EPM2A: variants seen among roughly 807,000 people sequenced by gnomAD.
The protein encoded by EPM2A is laforin.
EPM2A carries 21 observed loss-of-function variants against 26.5 expected under a neutral mutation model. The observed-to-expected ratio is 0.79, with a 90% confidence interval of 0.56 to 1.14. EPM2A has a LOEUF of 1.14. Among genes scored for constraint, EPM2A ranks in the 50% most tolerant of loss-of-function variants. The pLI, the probability that EPM2A is intolerant of heterozygous loss-of-function variation, is 0.00. For synonymous variants in EPM2A, 217 were observed against 177.6 expected (o/e 1.22, Z -1.76); for missense variants, 458 against 440.8 (o/e 1.04, Z -0.35).
chr6:145,396,853 A>G (rs981309631), intron 4 of EPM2A, among the ~76,000 whole-genome samples: 1 of 152,190 alleles, frequency 6.6e-6, no homozygotes, highest in African/African-American at 2.4e-5. Context: ...ATACTACTTG[A>G]GAAAACCATT....
chr6:145,501,644 G>A (rs1779891087), exon 4 of EPM2A: 1 of 384,842 alleles, frequency 2.6e-6, no homozygotes, highest in African/African-American at 2.1e-5. Context: ...ATTACATATT[G>A]GGCAGAAGTG....
chr6:145,732,201 TTGTGTGTGTG>T (rs66889564), intron 1 of EPM2A, among the ~76,000 whole-genome samples: 6 of 138,458 alleles, frequency 4.3e-5, no homozygotes, highest in Admixed American at 2.2e-4. Context: ...CAGCTAAGAC[TTGTGTGTGTG>T]TGTGTGTGTG....
chr6:145,419,155 T>C (rs1019113801), intron 4 of EPM2A, among the ~76,000 whole-genome samples: 1 of 148,768 alleles, frequency 6.7e-6, no homozygotes, highest in Non-Finnish European at 1.5e-5. Context: ...TAAACACCCA[T>C]TGCCCAAGCA....
intron 4 of EPM2A, among the ~76,000 whole-genome samples, chr6:145,420,124 A>C (rs2114682635): frequency 6.6e-6 from 1 of 152,226 alleles, no homozygotes; most frequent in African/African-American, 2.4e-5. Flanking sequence ...TAATTAAATC[A>C]TCTCATTTTT....
At chr6:145,520,214 A>G (rs572631531) in intron 2 of EPM2A, among the ~76,000 whole-genome samples, 4 of 152,280 alleles carry the variant, frequency 2.6e-5, no homozygotes, top group African/African-American at 9.6e-5. Flanking sequence ...ATCTTAAAAT[A>G]TCACTGTACT....
intron 2 of EPM2A, among the ~76,000 whole-genome samples, chr6:145,654,916 T>C (rs1469622344): frequency 6.6e-6 from 1 of 151,922 alleles, no homozygotes; most frequent in East Asian, 1.9e-4. Flanking sequence ...AATTTGGACT[T>C]TTTTTTTACC....
intron 1 of EPM2A, among the ~76,000 whole-genome samples, chr6:145,698,120 T>C (rs1440902524): frequency 6.6e-6 from 1 of 152,224 alleles, no homozygotes; most frequent in Admixed American, 6.5e-5. Context: ...TCCACGTTCT[T>C]CTGCCATGGC....
chr6:145,684,830 C>T (rs143540273), intron 2 of EPM2A: 5 of 152,128 alleles, frequency 3.3e-5, no homozygotes, highest in South Asian at 2.1e-4. Flanking sequence ...CATAAAACCA[C>T]GAGACATGCT....
chr6:145,655,272 T>C (rs79000257), intron 2 of EPM2A, among the ~76,000 whole-genome samples: 421 of 152,212 alleles, frequency 2.8e-3, no homozygotes, highest in African/African-American at 9.1e-3. Context: ...CAAATGTCTA[T>C]TGTGGTACAT....
At chr6:145,671,182 A>G (rs757090671) in intron 2 of EPM2A, 1 of 1,015,610 alleles carries the variant, frequency 9.8e-7, no homozygotes, top group Non-Finnish European at 1.2e-6. Context: ...TGATTTATAA[A>G]TGCGAGCAAA....
intron 2 of EPM2A, among the ~76,000 whole-genome samples, chr6:145,560,526 T>C (rs1319750298): frequency 6.6e-6 from 1 of 152,098 alleles, no homozygotes; most frequent in Non-Finnish European, 1.5e-5. Flanking sequence ...TTTACCAAAA[T>C]AGGTGAAGGG....
At chr6:145,522,993 CAG>C (rs1482293943) in intron 2 of EPM2A, among the ~76,000 whole-genome samples, 1 of 152,174 alleles carries the variant, frequency 6.6e-6, no homozygotes, top group East Asian at 1.9e-4. Context: ...AAAGCCTTCT[CAG>C]GGGTTGTTTG....
At chr6:145,664,596 C>A (rs1583001531) in intron 2 of EPM2A, among the ~76,000 whole-genome samples, 1 of 151,234 alleles carries the variant, frequency 6.6e-6, no homozygotes, top group African/African-American at 2.4e-5. Flanking sequence ...CAATATTAGA[C>A]AGATCAACGA....
intron 2 of EPM2A, among the ~76,000 whole-genome samples, chr6:145,602,968 G>A (rs1049546301): frequency 1.3e-5 from 2 of 152,162 alleles, no homozygotes; most frequent in African/African-American, 2.4e-5. Flanking sequence ...TCCTGCCTCT[G>A]TTCATGAGAT....
chr6:145,507,643 G>A (rs980060029), intron 2 of EPM2A, among the ~76,000 whole-genome samples: 4 of 152,222 alleles, frequency 2.6e-5, no homozygotes, highest in African/African-American at 4.8e-5. Flanking sequence ...TTGCAACCTG[G>A]AAGCAGTAGC....
chr6:145,522,440 C>A (rs1036876472), intron 2 of EPM2A, among the ~76,000 whole-genome samples: 1 of 152,072 alleles, frequency 6.6e-6, no homozygotes, highest in Non-Finnish European at 1.5e-5. Flanking sequence ...TCATCCAATC[C>A]ACTTAAGGCA....
chr6:145,711,753 A>T (rs1228691912), intron 1 of EPM2A, among the ~76,000 whole-genome samples: 1 of 152,164 alleles, frequency 6.6e-6, no homozygotes, highest in Non-Finnish European at 1.5e-5. Flanking sequence ...ATCATTTTTC[A>T]TTGGACTAAT....
intron 4 of EPM2A, among the ~76,000 whole-genome samples, chr6:145,454,741 T>A (rs943914265): frequency 6.6e-6 from 1 of 152,186 alleles, no homozygotes; most frequent in Non-Finnish European, 1.5e-5. Context: ...CACAGACATA[T>A]ATGAAACTTT....
intron 2 of EPM2A, among the ~76,000 whole-genome samples, chr6:145,574,977 G>A (rs1480463852): frequency 6.6e-6 from 1 of 152,078 alleles, no homozygotes; most frequent in African/African-American, 2.4e-5. Flanking sequence ...ACCTCCTCAT[G>A]GGTCATGCTC....
Sources: allele counts gnomAD v4.1 joint callset (sites outside exome capture counted in the v4.1 genomes callset), GRCh38; gene constraint gnomAD v4.1.1; transcripts MANE v1.5; gene names NCBI Gene and HGNC (gene_info 2026-07-23, HGNC 2026-07-21).